Variants in DENND1C observed in about 807,000 individuals in gnomAD.
The protein encoded by DENND1C is DENN domain-containing protein 1C.
A neutral mutation model predicts 87.9 loss-of-function variants in DENND1C; 64 were observed. That is an observed-to-expected ratio of 0.73 (90% CI 0.60 to 0.90). The LOEUF (loss-of-function observed/expected upper bound fraction) is 0.90. Among genes scored for constraint, DENND1C ranks in the 40% least tolerant of loss-of-function variants. The pLI, the probability that DENND1C is intolerant of heterozygous loss-of-function variation, is 0.00. For missense variants in DENND1C, 980 were observed against 1,037.0 expected, an observed-to-expected ratio of 0.95 and a Z score of 0.76; for synonymous variants, 384 against 424.4, an observed-to-expected ratio of 0.90 and a Z score of 1.17.
intron 5 of DENND1C, 38 bp from the exon 6 acceptor site, chr19:6,478,890 A>G (rs1239813501): frequency 1.2e-6 from 2 of 1,613,884 alleles, no homozygotes; most frequent in Non-Finnish European, 8.5e-7. Flanking sequence ...AAGTGTCCCT[A>G]GGCCTCGGCC....
Position 6,469,649 on chromosome 19 carries a change from G to C in DENND1C, c.1363-9C>G. ...TTCAAGCCACTCTTGGCCTATAAAG[G>C]AGTGGACAGAGAATTACCCAAGGGT... On this transcript the variant is annotated splice_polypyrimidine_tract_variant and intron_variant, in intron 18 of 22. Transcript: ENST00000381480. 6.2e-7 allele frequency: 1 copy of C among 1,602,990 alleles called. No individual in the cohort carries two copies. The highest frequency in any genetic ancestry group is 8.5e-7 in the Non-Finnish European group (1 of 1,174,702).
Position 6,468,045 on chromosome 19 carries a change from G to A in DENND1C, c.1865C>T (p.Ser622Phe). ...EPEPQPLSLP[S>F]LQNASSLDAT... is the part of the protein sequence containing the mutation. The stretch of plus-strand genomic sequence containing the variant: ...ATCCAAAGACGAGGCATTTTGCAGG[G>A]ATGGCAGGGAAAGGGGCTGGGGCTC... Residue 622 changes from serine to phenylalanine, a missense_variant, in exon 23 of 23, where the codon TCC becomes TTC. Coordinates refer to ENST00000381480, the MANE Select transcript of DENND1C (RefSeq NM_024898.4). The A allele has an allele frequency of 3.7e-6, 6 of 1,613,904 alleles. No individual in the cohort carries two copies. Among genetic ancestry groups the A allele is most frequent in the Non-Finnish European group, 5.1e-6 (6 of 1,179,832 alleles).
chr19:6,476,644 C>A (rs891345157), intron 10 of DENND1C: 6 of 568,912 alleles, frequency 1.1e-5, no homozygotes, highest in Non-Finnish European at 1.6e-5. Flanking sequence ...AGCCTGAGCA[C>A]AGTACTCCCA....
chr19:6,467,871 A>T lies in DENND1C; in HGVS notation c.2039T>A (p.Ile680Asn). 2 of 1,608,338 alleles carry T rather than the reference A, an allele frequency of 1.2e-6. No homozygotes were observed. Among genetic ancestry groups the T allele is most frequent in the Non-Finnish European group, 1.7e-6 (2 of 1,177,296 alleles). ...CTTGTGGGAAGGGGTGAGATGAAGA[A>T]TTAGGGGCTCTGTGAGAGGAGAGGG... Reference protein sequence around the residue: ...PKPSPLTEPLILHLTPSHKAA... With the variant: ...PKPSPLTEPLNLHLTPSHKAA... Residue 680 changes from isoleucine (I) to asparagine (N), a missense_variant, in exon 23 of 23, where the codon ATT (isoleucine) becomes AAT (asparagine). Transcript: ENST00000381480.
intron 10 of DENND1C, chr19:6,476,591 C>T: frequency 2.2e-6 from 1 of 455,376 alleles, no homozygotes; most frequent in Non-Finnish European, 3.9e-6. Context: ...CCCTGAGGGT[C>T]CGGAGGGGTG....
At position 6,475,484 on chromosome 19, in the gene DENND1C, C is replaced by T; in HGVS notation, c.927G>A (p.Val309=). 3 of 1,613,890 alleles carry T rather than the reference C, an allele frequency of 1.9e-6. No homozygotes were observed. The highest frequency in any genetic ancestry group is 2.5e-6 in the Non-Finnish European group (3 of 1,179,864). ...GGAAGGTGGGAGGGGCGACACTGAC[C>T]ACGTCTGGAGGCAGCGCCTGCACGT... The part of the protein sequence containing the change: ...FNDVQALPPD[V]VSLLRLRLRK... The change falls in exon 13 of 23, where the codon GTG becomes GTA. Residue 309 remains valine (V), a splice_region_variant and synonymous_variant. Transcript: ENST00000381480.
chr19:6,476,117 G>A, intron 10 of DENND1C, 180 bp from the exon 11 acceptor site: 1 of 624,124 alleles, frequency 1.6e-6, no homozygotes, highest in South Asian at 2.2e-5. Context: ...GCCACTTACA[G>A]TGCTTTAAGC....
chr19:6,468,622 C>G lies in DENND1C; in HGVS notation c.1539G>C (p.Arg513Ser). The G allele has an allele frequency of 6.7e-7, 1 of 1,497,904 alleles. No individual in the cohort carries two copies. Among genetic ancestry groups the G allele is most frequent in the South Asian group, 1.4e-5 (1 of 71,344 alleles). The allele number at this position is 1,497,904 out of a possible 1,614,324, so 92.8% of individuals were successfully genotyped here. The change falls in exon 21 of 23, where the codon AGG becomes AGC. Residue 513 changes from arginine (R) to serine (S), a missense_variant. Transcript: ENST00000381480. ...AAGTTCCCTCTTCCAGCTGGCGTCT[C>G]CTGCTGGGGCGAAGGGGCCGGTTCT... ...FGKNRPLRPS[R>S]RRQLEEGTSE...
At chr19:6,472,339 GAGT>G (rs1160787334) in intron 15 of DENND1C, among the ~76,000 whole-genome samples, 1 of 152,174 alleles carries the variant, frequency 6.6e-6, no homozygotes, top group Non-Finnish European at 1.5e-5. Context: ...AGGGACCTAG[GAGT>G]AGGTCTTGTC....
rs781488276 is a variant in DENND1C at position 6,475,745 on chromosome 19, G to T, written c.786C>A (p.Pro262=). ...CGTGCACTCCAATGAGGTAGGGCAT[G>T]GGCGCGCTGCGGACCGAGGGGACGG... ...PPHLLDYCCA[P]MPYLIGVHAS... The change falls in exon 12 of 23, where the codon CCC becomes CCA. Residue 262 remains proline, a synonymous_variant. Transcript: ENST00000381480. The T allele has an allele frequency of 6.4e-7, 1 of 1,567,352 alleles. No individual in the cohort carries two copies. Among genetic ancestry groups the T allele is most frequent in the Admixed American group, 1.9e-5 (1 of 52,774 alleles).
At chr19:6,471,010 A>G (rs2092825886) in intron 17 of DENND1C, among the ~76,000 whole-genome samples, 1 of 151,802 alleles carries the variant, frequency 6.6e-6, no homozygotes, top group South Asian at 2.1e-4. Flanking sequence ...GCTGGAGTGC[A>G]GTGGCATGAT....
At chr19:6,469,031 C>CT (rs112143621) in intron 19 of DENND1C, 78 bp from the exon 20 acceptor site, 36,991 of 674,734 alleles carry the variant, frequency 0.055, 239 homozygotes, top group Middle Eastern at 0.098. Context: ...TTTAGTTAGT[C>CT]TTTTTTTTTT....
At chr19:6,476,571 T>G in intron 10 of DENND1C, 1 of 371,890 alleles carries the variant, frequency 2.7e-6, no homozygotes, top group Non-Finnish European at 4.9e-6. Context: ...AAGTCCCTAG[T>G]TCTCAGTGTC....
intron 21 of DENND1C, 32 bp from the exon 22 acceptor site, chr19:6,468,473 C>T: frequency 1.3e-6 from 2 of 1,591,496 alleles, no homozygotes; most frequent in Non-Finnish European, 1.7e-6. Flanking sequence ...CAGATATTTG[C>T]CCAAGACCCC....
At position 6,479,906 on chromosome 19, in the gene DENND1C, T is replaced by A; in HGVS notation, c.83-4A>T. The A allele has an allele frequency of 6.2e-7, 1 of 1,602,138 alleles. No individual in the cohort carries two copies. Among genetic ancestry groups the A allele is most frequent in the East Asian group, 2.3e-5 (1 of 44,300 alleles). On this transcript the variant is annotated splice_polypyrimidine_tract_variant and splice_region_variant and intron_variant, in intron 2 of 22. Transcript: ENST00000381480. ...AACTGCCGCAGGATGGGGGGATCTG[T>A]AGAAGAGAGCACGCCTCTAAGTTCA... is the stretch of plus-strand genomic sequence containing the variant.
At chr19:6,470,090 T>C in intron 18 of DENND1C, 1 of 564,522 alleles carries the variant, frequency 1.8e-6, no homozygotes, top group South Asian at 2.7e-5. Flanking sequence ...GCGGGTAGGA[T>C]TCCAACAAAA....
At position 6,471,432 on chromosome 19, in the gene DENND1C, T is replaced by A; in HGVS notation, c.1223A>T (p.Glu408Val). Residue 408 changes from glutamate (E) to valine (V), a missense_variant, in exon 16 of 23, where the codon GAG becomes GTG. Physicochemically the swap from Glu to Val is moderately radical, Grantham distance 121. Transcript: ENST00000381480. ...GEGFSDQFEQ[E>V]ITGCGASSGA... ...TGAGGAGGCCCCGCAGCCAGTGATC[T>A]CCTGCTCGAATTGATCTGAGAAGCC... 6.3e-7 allele frequency: 1 copy of A among 1,587,786 alleles called. No homozygotes were observed. The highest frequency in any genetic ancestry group is 1.1e-5 in the South Asian group (1 of 87,340).
At chr19:6,469,812 A>G (rs919618515) in intron 18 of DENND1C, 172 bp from the exon 19 acceptor site, 18 of 647,424 alleles carry the variant, frequency 2.8e-5, no homozygotes, top group Non-Finnish European at 4.3e-5. Flanking sequence ...CACCCCTTTG[A>G]CTAATATAAA....
At chr19:6,481,627 G>C (rs1913573840) in intron 1 of DENND1C, 52 bp downstream of exon 1, 1 of 1,610,838 alleles carries the variant, frequency 6.2e-7, no homozygotes, top group Admixed American at 1.7e-5. Context: ...CCCCGGCTCA[G>C]GCCTGGCCCG....
Sources: gnomAD v4.1 joint callset for allele counts (sites outside exome capture counted in the v4.1 genomes callset) on GRCh38, gnomAD v4.1.1 for gene constraint, MANE v1.5 for transcripts, NCBI Gene and HGNC (gene_info 2026-07-23, HGNC 2026-07-21) for gene names.